The following RNF38 variants were observed in gnomAD, a reference collection of about 807,000 sequenced individuals.
The protein encoded by RNF38 is ring finger protein 38.
In RNF38, 15 loss-of-function variants were observed where a neutral mutation model predicts 67.2. The ratio of observed to expected loss-of-function variants is 0.22; its 90% CI spans 0.15 to 0.34. The LOEUF is 0.34. Ranked by LOEUF, RNF38 falls within the 10% of genes least tolerant of loss-of-function variation. RNF38 has a pLI of 1.00. For missense variants in RNF38, 524 were observed against 639.9 expected (o/e 0.82, Z 1.95); for synonymous variants, 220 against 218.8 (o/e 1.01, Z -0.05).
chr9:36,385,107 C>T (rs1836504147), intron 2 of RNF38, among the ~76,000 whole-genome samples: 1 of 151,916 alleles, frequency 6.6e-6, no homozygotes. Flanking sequence ...AGTGAAAAAG[C>T]TCGGTTAAGT....
Position 36,339,716 on chromosome 9 carries a change from G to C in RNF38, c.*36C>G. ...GATAGTCCGTATATACATGTGATGA[G>C]GAACACCCAAACTAAATTTGTGCTT... On this transcript the variant is annotated 3_prime_UTR_variant, in exon 12 of 12. Transcript: ENST00000259605. 6.4e-7 allele frequency: 1 copy of C among 1,555,430 alleles called. No homozygotes were observed. Among genetic ancestry groups the C allele is most frequent in the African/African-American group, 1.4e-5 (1 of 73,782 alleles).
intron 1 of RNF38, among the ~76,000 whole-genome samples, chr9:36,455,840 G>A (rs536278643): frequency 2.0e-5 from 3 of 151,682 alleles, no homozygotes; most frequent in East Asian, 3.9e-4. Context: ...GAATCTGGGG[G>A]GCGGAGGTTG....
intron 1 of RNF38, among the ~76,000 whole-genome samples, chr9:36,461,980 G>A (rs1839743583): frequency 6.6e-6 from 1 of 152,176 alleles, no homozygotes; most frequent in Admixed American, 6.5e-5. Flanking sequence ...AAGCCCTGAG[G>A]AACTCAAACA....
intron 1 of RNF38, among the ~76,000 whole-genome samples, chr9:36,436,846 G>A (rs1199151641): frequency 6.7e-6 from 1 of 150,214 alleles, no homozygotes; most frequent in Non-Finnish European, 1.5e-5. Flanking sequence ...AAAAGAATGG[G>A]AACATAAGTA....
intron 2 of RNF38, among the ~76,000 whole-genome samples, chr9:36,386,525 T>C (rs1836650444): frequency 6.6e-6 from 1 of 152,176 alleles, no homozygotes; most frequent in Non-Finnish European, 1.5e-5. Context: ...TGAACCAGAG[T>C]GCCTCCATAC....
At chr9:36,395,151 T>C (rs1190947094) in intron 1 of RNF38, among the ~76,000 whole-genome samples, 2 of 152,210 alleles carry the variant, frequency 1.3e-5, no homozygotes, top group Non-Finnish European at 2.9e-5. Context: ...TTTTAGGACA[T>C]CCTTTGTTTA....
At chr9:36,379,853 G>C (rs1836076496) in intron 2 of RNF38, among the ~76,000 whole-genome samples, 2 of 152,150 alleles carry the variant, frequency 1.3e-5, no homozygotes, top group Admixed American at 6.5e-5. Flanking sequence ...AATCAGTCCA[G>C]GAAAGTCAAT....
chr9:36,388,342 C>T (rs544007180), intron 2 of RNF38, among the ~76,000 whole-genome samples: 1 of 151,770 alleles, frequency 6.6e-6, no homozygotes, highest in Admixed American at 6.6e-5. Context: ...AAAATTTAAA[C>T]GAAAACCCTG....
chr9:36,458,736 G>A (rs148932688), intron 1 of RNF38, among the ~76,000 whole-genome samples: 236 of 152,314 alleles, frequency 1.5e-3, no homozygotes, highest in South Asian at 1.9e-3. Context: ...GCGAGGGTCC[G>A]CGGCTTCATT....
At chr9:36,366,680 T>C (rs989146125) in intron 4 of RNF38, among the ~76,000 whole-genome samples, 1 of 152,330 alleles carries the variant, frequency 6.6e-6, no homozygotes, top group East Asian at 1.9e-4. Context: ...TGAATAGATG[T>C]GGTAATAGTC....
In RNF38 at chr9:36,386,585, C is replaced by T. The variant is rs191908626; in HGVS notation, c.162+3882G>A. On this transcript the variant is annotated intron_variant, in intron 2 of 11. Coordinates refer to ENST00000259605, the MANE Select transcript of RNF38 (RefSeq NM_022781.5). ...ACTGAGACCTGCTGGGCTGCATTCC[C>T]ATCACGTTAGGCATTCTGAGTCACA... Among the ~76,000 whole-genome samples the T allele has an allele frequency of 1.4e-4, 21 of 152,236 alleles. No individual in the cohort carries two copies. The East Asian group carries it at 4.0e-3, about 29-fold the overall frequency.
intron 2 of RNF38, among the ~76,000 whole-genome samples, chr9:36,379,819 C>T (rs1836071353): frequency 6.6e-6 from 1 of 152,084 alleles, no homozygotes; most frequent in South Asian, 2.1e-4. Context: ...TTTAAGCAGA[C>T]AGCTCTGTCA....
intron 9 of RNF38, among the ~76,000 whole-genome samples, chr9:36,349,435 G>GA (rs1833533735): frequency 6.6e-6 from 1 of 152,130 alleles, no homozygotes; most frequent in Non-Finnish European, 1.5e-5. Context: ...TTTGAGAAAT[G>GA]TCTATTCAGG....
chr9:36,467,599 A>G (rs939386711), intron 1 of RNF38, among the ~76,000 whole-genome samples: 3 of 152,190 alleles, frequency 2.0e-5, no homozygotes, highest in African/African-American at 7.2e-5. Flanking sequence ...CATTTGGGAT[A>G]TAACATCACT....
At chr9:36,346,052 T>C (rs1017512731) in intron 9 of RNF38, among the ~76,000 whole-genome samples, 1 of 152,232 alleles carries the variant, frequency 6.6e-6, no homozygotes, top group Non-Finnish European at 1.5e-5. Context: ...TATTCTTATT[T>C]TATCATTCTT....
At chr9:36,340,391 TC>T (rs913898225) in intron 11 of RNF38, among the ~76,000 whole-genome samples, 6 of 152,182 alleles carry the variant, frequency 3.9e-5, no homozygotes, top group African/African-American at 1.4e-4. Context: ...AGTCTTTTTT[TC>T]CCCCGTTTTT....
At chr9:36,357,007 G>C (rs1265383406) in intron 5 of RNF38, among the ~76,000 whole-genome samples, 2 of 152,122 alleles carry the variant, frequency 1.3e-5, no homozygotes, top group Non-Finnish European at 2.9e-5. Flanking sequence ...GTTAGTATTG[G>C]TATAAGTGTG....
intron 1 of RNF38, among the ~76,000 whole-genome samples, chr9:36,391,105 CAT>C (rs1242252896): frequency 1.8e-4 from 27 of 152,134 alleles, no homozygotes; most frequent in African/African-American, 6.0e-4. Context: ...CTATAGCAAA[CAT>C]ATGTTTGACT....
At chr9:36,354,474 G>C (rs1833943554) in intron 6 of RNF38, among the ~76,000 whole-genome samples, 1 of 152,114 alleles carries the variant, frequency 6.6e-6, no homozygotes, top group Admixed American at 6.5e-5. Flanking sequence ...CCATTTTTAT[G>C]TATTTACTTA....
Sources: allele counts gnomAD v4.1 joint callset (sites outside exome capture counted in the v4.1 genomes callset), GRCh38; gene constraint gnomAD v4.1.1; transcripts MANE v1.5; gene names NCBI Gene and HGNC (gene_info 2026-07-23, HGNC 2026-07-21).